The following CTNNA2 variants were observed in gnomAD, a reference collection of about 807,000 sequenced individuals.
CTNNA2 encodes the protein catenin alpha 2.
CTNNA2 carries 42 observed loss-of-function variants against 101.0 expected under a neutral mutation model. That is an observed-to-expected ratio of 0.42 (90% CI 0.32 to 0.54). The LOEUF is 0.54. Ranked by LOEUF, CTNNA2 falls within the 20% of genes least tolerant of loss-of-function variation. The pLI is 0.14. For synonymous variants in CTNNA2, 450 were observed against 456.4 expected (o/e 0.99, Z 0.18); for missense variants, 871 against 1,223.1 (o/e 0.71, Z 4.29).
At chr2:80,624,232 A>G (rs184269300) in intron 18 of CTNNA2, among the ~76,000 whole-genome samples, 32 of 131,118 alleles carry the variant, frequency 2.4e-4, no homozygotes, top group Admixed American at 2.4e-3. Flanking sequence ...TAATTAAGTG[A>G]ACTTCCTTGG....
intron 2 of CTNNA2, among the ~76,000 whole-genome samples, chr2:79,273,048 C>T (rs1207933470): frequency 6.6e-6 from 1 of 152,016 alleles, no homozygotes; most frequent in African/African-American, 2.4e-5. Context: ...CATGGTGTTC[C>T]TCTACTAAAT....
At chr2:79,820,173 T>G (rs1043286403) in intron 3 of CTNNA2, among the ~76,000 whole-genome samples, 1 of 152,226 alleles carries the variant, frequency 6.6e-6, no homozygotes, top group Admixed American at 6.5e-5. Flanking sequence ...ATCTATAACT[T>G]ACAGTAATGA....
intron 1 of CTNNA2, among the ~76,000 whole-genome samples, chr2:79,522,457 C>G (rs1023679532): frequency 6.6e-6 from 1 of 152,152 alleles, no homozygotes; most frequent in Non-Finnish European, 1.5e-5. Context: ...CAGTTTAATA[C>G]CAGACAGAAT....
chr2:79,803,052 T>G (rs190432158), intron 3 of CTNNA2, among the ~76,000 whole-genome samples: 1 of 152,356 alleles, frequency 6.6e-6, no homozygotes, highest in East Asian at 1.9e-4. Flanking sequence ...AATTGTGTTA[T>G]ATTGGTATTT....
chr2:79,797,375 G>T (rs901512990), intron 3 of CTNNA2, among the ~76,000 whole-genome samples: 1 of 152,010 alleles, frequency 6.6e-6, no homozygotes, highest in South Asian at 2.1e-4. Context: ...AAATTGAGTG[G>T]CTTGGCTGGG....
intron 7 of CTNNA2, among the ~76,000 whole-genome samples, chr2:79,971,547 A>T (rs1260307509): frequency 1.3e-5 from 2 of 152,128 alleles, no homozygotes; most frequent in East Asian, 1.9e-4. Context: ...AAACCCTGAT[A>T]CATTTGGTAT....
exon 1 of CTNNA2, chr2:79,185,398 G>A (rs1402348255): frequency 3.4e-5 from 5 of 148,340 alleles, no homozygotes; most frequent in Non-Finnish European, 6.0e-5. Flanking sequence ...AATCTTCACC[G>A]GCTGTACCAA....
At chr2:79,826,765 G>A (rs1246836795) in intron 3 of CTNNA2, among the ~76,000 whole-genome samples, 1 of 152,134 alleles carries the variant, frequency 6.6e-6, no homozygotes, top group Non-Finnish European at 1.5e-5. Context: ...GAGTTCACAA[G>A]TGTAATCACC....
At chr2:80,613,965 A>G (rs960705559) in intron 17 of CTNNA2, among the ~76,000 whole-genome samples, 3 of 151,528 alleles carry the variant, frequency 2.0e-5, no homozygotes, top group African/African-American at 7.3e-5. Context: ...CTGAGATATC[A>G]GTGCCATTAC....
chr2:79,764,005 C>T (rs17017825), intron 3 of CTNNA2, among the ~76,000 whole-genome samples: 8,112 of 152,198 alleles, frequency 0.053, 637 homozygotes, highest in African/African-American at 0.18. Context: ...GCATGAAGAA[C>T]GGGAAAAGCA....
intron 3 of CTNNA2, among the ~76,000 whole-genome samples, chr2:79,750,528 G>A (rs1351770745): frequency 6.6e-6 from 1 of 152,232 alleles, no homozygotes; most frequent in Non-Finnish European, 1.5e-5. Context: ...ATAACAGGCA[G>A]TCATTATACA....
At chr2:80,640,811 G>C (rs1414242921) in intron 18 of CTNNA2, among the ~76,000 whole-genome samples, 1 of 151,136 alleles carries the variant, frequency 6.6e-6, no homozygotes, top group African/African-American at 2.4e-5. Context: ...CTTTGAGGGA[G>C]ATAACAGTTT....
intron 3 of CTNNA2, among the ~76,000 whole-genome samples, chr2:79,843,548 G>A (rs983971504): frequency 6.6e-6 from 1 of 152,178 alleles, no homozygotes; most frequent in Non-Finnish European, 1.5e-5. Context: ...ATACTGCCTG[G>A]AAGTGGCTTA....
intron 3 of CTNNA2, among the ~76,000 whole-genome samples, chr2:79,342,206 G>A (rs1177225924): frequency 1.3e-5 from 2 of 152,178 alleles, no homozygotes; most frequent in Non-Finnish European, 2.9e-5. Flanking sequence ...AAAGTACGGA[G>A]GTATTGAGGT....
intron 4 of CTNNA2, among the ~76,000 whole-genome samples, chr2:79,462,842 C>G (rs1001700865): frequency 3.9e-5 from 6 of 152,116 alleles, no homozygotes; most frequent in Admixed American, 1.3e-4. Flanking sequence ...AGAGTACATG[C>G]TGCCCTGTGT....
At chr2:80,037,014 G>A (rs1234900551) in intron 7 of CTNNA2, among the ~76,000 whole-genome samples, 2 of 152,184 alleles carry the variant, frequency 1.3e-5, no homozygotes, top group East Asian at 1.9e-4. Context: ...GTAGATATTG[G>A]TGAAACTTGT....
At position 80,077,109 on chromosome 2, in the gene CTNNA2, A is replaced by G. The variant is rs376192316; in HGVS notation, c.1056+167312A>G. 3.1e-3 allele frequency among the ~76,000 whole-genome samples: 473 copies of G among 152,296 alleles called. 2 individuals are homozygous for G. The highest frequency in any genetic ancestry group is 0.011 in the African/African-American group (449 of 41,566). On this transcript the variant is annotated intron_variant, in intron 7 of 18. Transcript: ENST00000402739. Reference sequence around the variant, plus strand: ...ATGACTAAAGTTAAAAAGCTTGATAATGCCAAGTACTGGAGAGGATATGGA... The same window carrying G: ...ATGACTAAAGTTAAAAAGCTTGATAGTGCCAAGTACTGGAGAGGATATGGA...
intron 3 of CTNNA2, among the ~76,000 whole-genome samples, chr2:79,766,792 G>A (rs1673193121): frequency 6.6e-6 from 1 of 150,432 alleles, no homozygotes; most frequent in Admixed American, 6.6e-5. Flanking sequence ...GTCTTGCTTT[G>A]TCACCCAGGC....
intron 7 of CTNNA2, among the ~76,000 whole-genome samples, chr2:80,185,668 C>T (rs1258722739): frequency 1.3e-5 from 2 of 152,098 alleles, no homozygotes; most frequent in African/African-American, 4.8e-5. Context: ...CCTGTTTGTT[C>T]GGTGAGTCCT....
Sources: gnomAD v4.1 joint callset for allele counts (sites outside exome capture counted in the v4.1 genomes callset) on GRCh38, gnomAD v4.1.1 for gene constraint, MANE v1.5 for transcripts, NCBI Gene and HGNC (gene_info 2026-07-23, HGNC 2026-07-21) for gene names.